LIMS1: variants seen among roughly 807,000 people sequenced by gnomAD.
The protein encoded by LIMS1 is LIM and senescent cell antigen-like-containing domain protein 1.
In LIMS1, 18 loss-of-function variants were observed where a neutral mutation model predicts 44.1. The ratio of observed to expected loss-of-function variants is 0.41; its 90% CI spans 0.28 to 0.61. The LOEUF is 0.61. Ranked by LOEUF, LIMS1 falls within the 20% of genes least tolerant of loss-of-function variation. The pLI, the probability that LIMS1 is intolerant of heterozygous loss-of-function variation, is 0.32. For missense variants in LIMS1, 201 were observed against 422.0 expected, an observed-to-expected ratio of 0.48 and a Z score of 4.59; for synonymous variants, 93 against 149.1, an observed-to-expected ratio of 0.62 and a Z score of 2.74.
chr2:108,541,921 TTC>T (rs1684330184), intron 1 of LIMS1, among the ~76,000 whole-genome samples: 1 of 152,262 alleles, frequency 6.6e-6, no homozygotes, highest in African/African-American at 2.4e-5. Flanking sequence ...AATTACCAAT[TTC>T]TGTTTTGTTT....
At chr2:108,662,412 T>C (rs1691441968) in intron 2 of LIMS1, 2 of 1,522,552 alleles carry the variant, frequency 1.3e-6, no homozygotes, top group African/African-American at 1.4e-5. Flanking sequence ...CCCCTCACAC[T>C]GGACTATAAA....
intron 2 of LIMS1, among the ~76,000 whole-genome samples, chr2:108,669,200 G>T (rs1349099133): frequency 6.6e-6 from 1 of 152,154 alleles, no homozygotes; most frequent in Non-Finnish European, 1.5e-5. Flanking sequence ...TTGAGGTCAG[G>T]AGTTCGAGAC....
chr2:108,592,695 C>A, intron 1 of LIMS1, among the ~76,000 whole-genome samples: 1 of 152,162 alleles, frequency 6.6e-6, no homozygotes, highest in African/African-American at 2.4e-5. Context: ...CCTTGAAATA[C>A]TGTGGTGTAA....
chr2:108,662,691 A>G (rs969045458), intron 2 of LIMS1: 1 of 936,610 alleles, frequency 1.1e-6, no homozygotes, highest in Non-Finnish European at 1.3e-6. Context: ...ATATCCAGCA[A>G]TAAGTTGTTT....
chr2:108,552,333 T>C (rs1419847123), intron 1 of LIMS1, among the ~76,000 whole-genome samples: 5 of 141,870 alleles, frequency 3.5e-5, no homozygotes, highest in African/African-American at 5.2e-5. Flanking sequence ...ATATATACTA[T>C]ACGTGTAGTA....
chr2:108,672,001 T>G (rs965126402), intron 3 of LIMS1, among the ~76,000 whole-genome samples: 2 of 151,984 alleles, frequency 1.3e-5, no homozygotes, highest in Non-Finnish European at 2.9e-5. Flanking sequence ...AAACCCCGTC[T>G]CTACTGAAAA....
rs186744901 is a variant in LIMS1, at chr2:108,648,011, G to T, written c.33-11594G>T. 7.9e-5 allele frequency among the ~76,000 whole-genome samples: 12 copies of T among 152,324 alleles called. No individual in the cohort carries two copies. In the East Asian group the frequency reaches 2.3e-3, roughly 29 times the overall value. The stretch of plus-strand genomic sequence containing the variant: ...AATAAAGGGTATTCAGTTAGGAAAA[G>T]AGCAAGTCAAATTGTCTCTATTTGC... On this transcript the variant is annotated intron_variant, in intron 1 of 9. Transcript: ENST00000544547.
In LIMS1 at chr2:108,552,770, G is replaced by T. The variant is rs1684801838; in HGVS notation, c.32+18176G>T. On this transcript the variant is annotated intron_variant, in intron 1 of 9. Transcript: ENST00000544547. ...TTTTACATTTTTTTGTAGAGATAAG[G>T]TTGCACCGTGTTGCCCAGGCTAGTC... 4.0e-5 allele frequency among the ~76,000 whole-genome samples: 6 copies of T among 151,852 alleles called. No homozygotes were observed. The South Asian group carries it at 1.2e-3, about 32-fold the overall frequency.
At chr2:108,605,501 C>T (rs1687224509) in intron 1 of LIMS1, among the ~76,000 whole-genome samples, 1 of 152,038 alleles carries the variant, frequency 6.6e-6, no homozygotes, top group African/African-American at 2.4e-5. Context: ...TAAAATTTTC[C>T]ATATTTTGAA....
intron 1 of LIMS1, among the ~76,000 whole-genome samples, chr2:108,611,854 TACAC>T (rs1553459759): frequency 3.3e-4 from 41 of 125,132 alleles, no homozygotes; most frequent in Non-Finnish European, 4.4e-4. Flanking sequence ...TATATATATA[TACAC>T]ACATATATAT....
intron 1 of LIMS1, among the ~76,000 whole-genome samples, chr2:108,563,475 G>A (rs1685192654): frequency 6.6e-6 from 1 of 152,116 alleles, no homozygotes; most frequent in African/African-American, 2.4e-5. Context: ...TGACTTTCGG[G>A]GGCTCAAGAC....
chr2:108,679,063 A>G lies in LIMS1; in HGVS notation c.823+1036A>G, dbSNP rs577422485. Among the ~76,000 whole-genome samples, 6 of 152,342 alleles carry G rather than the reference A, an allele frequency of 3.9e-5. No homozygotes were observed. The South Asian group carries it at 1.2e-3, about 32-fold the overall frequency. ...CAAACATCCGTGGATTCAACCAACT[A>G]TGGATCAAAAATATTTAGAGAAAAA... On this transcript the variant is annotated intron_variant, in intron 8 of 9. Coordinates refer to ENST00000544547, the Ensembl canonical transcript of LIMS1.
chr2:108,571,730 C>T lies in LIMS1; in HGVS notation c.32+37136C>T, dbSNP rs540220310. Among the ~76,000 whole-genome samples the T allele has an allele frequency of 5.9e-5, 9 of 152,242 alleles. No individual in the cohort carries two copies. The East Asian group carries it at 1.2e-3, about 20-fold the overall frequency. On this transcript the variant is annotated intron_variant, in intron 1 of 9. Coordinates refer to ENST00000544547, the Ensembl canonical transcript of LIMS1. ...ATCTTAAACGTTTAATCTTTTCTTT[C>T]GTTGAAGACTATCACTTTTCAGTTT... is the stretch of plus-strand genomic sequence containing the variant.
At chr2:108,558,517 C>T (rs917753582) in intron 1 of LIMS1, among the ~76,000 whole-genome samples, 3 of 151,638 alleles carry the variant, frequency 2.0e-5, no homozygotes, top group Admixed American at 6.6e-5. Context: ...ACGATTTGTG[C>T]GTTTTTATAG....
At chr2:108,585,205 A>T (rs1558797338) in intron 1 of LIMS1, among the ~76,000 whole-genome samples, 1 of 149,534 alleles carries the variant, frequency 6.7e-6, no homozygotes, top group Admixed American at 6.7e-5. Flanking sequence ...TTTGTGTGTT[A>T]CCTTAAGGGA....
chr2:108,624,337 A>T (rs1688435995), intron 1 of LIMS1, among the ~76,000 whole-genome samples: 1 of 152,244 alleles, frequency 6.6e-6, no homozygotes, highest in African/African-American at 2.4e-5. Flanking sequence ...CACCTGAGAA[A>T]TTCCTGCCCT....
chr2:108,576,987 C>CT (rs1685694339), intron 1 of LIMS1, among the ~76,000 whole-genome samples: 1 of 152,188 alleles, frequency 6.6e-6, no homozygotes, highest in African/African-American at 2.4e-5. Flanking sequence ...TTCACATTTC[C>CT]TTATACCATT....
chr2:108,632,160 C>T (rs889075162), intron 1 of LIMS1, among the ~76,000 whole-genome samples: 2 of 152,060 alleles, frequency 1.3e-5, no homozygotes, highest in Non-Finnish European at 2.9e-5. Context: ...TTAGTAGTGA[C>T]GAGGTTTCCC....
intron 1 of LIMS1, among the ~76,000 whole-genome samples, chr2:108,609,958 T>C (rs1687499334): frequency 6.6e-6 from 1 of 151,992 alleles, no homozygotes. Flanking sequence ...CTGGCTAACA[T>C]GGTGAAACCC....
Sources: gnomAD v4.1 joint callset for allele counts (sites outside exome capture counted in the v4.1 genomes callset) on GRCh38, gnomAD v4.1.1 for gene constraint, MANE v1.5 for transcripts, NCBI Gene and HGNC (gene_info 2026-07-23, HGNC 2026-07-21) for gene names.